ZFHX3: variants seen among roughly 807,000 people sequenced by gnomAD.
The protein encoded by ZFHX3 is zinc finger homeobox protein 3.
ZFHX3 carries 42 observed loss-of-function variants against 279.1 expected under a neutral mutation model. That is an observed-to-expected ratio of 0.15 (90% CI 0.12 to 0.19). ZFHX3 has a LOEUF of 0.19. Among genes scored for constraint, ZFHX3 ranks in the 10% least tolerant of loss-of-function variants. The pLI, the probability that ZFHX3 is intolerant of heterozygous loss-of-function variation, is 1.00. For missense variants in ZFHX3, 4,981 were observed against 4,754.0 expected (o/e 1.05, Z -1.40); for synonymous variants, 2,293 against 1,957.8 (o/e 1.17, Z -4.52).
chr16:73,696,602 G>T (rs1436027771), intron 1 of ZFHX3, among the ~76,000 whole-genome samples: 1 of 152,228 alleles, frequency 6.6e-6, no homozygotes, highest in Admixed American at 6.5e-5. Context: ...GGGCCTGAAA[G>T]TGGCATGTTG....
At chr16:73,825,809 G>A (rs1382890454) in intron 1 of ZFHX3, among the ~76,000 whole-genome samples, 2 of 73,628 alleles carry the variant, frequency 2.7e-5, no homozygotes, top group East Asian at 3.3e-4. Flanking sequence ...CTGTAGCCTT[G>A]TAGTATAGTT....
intron 2 of ZFHX3, among the ~76,000 whole-genome samples, chr16:73,589,259 CAAAAAAAAAAAAAA>C (rs34481194): frequency 1.9e-4 from 6 of 30,936 alleles, no homozygotes; most frequent in South Asian, 2.6e-3. Flanking sequence ...GATTCTGTCT[CAAAAAAAAAAAAAA>C]AAAAAAAAAA....
Position 72,932,653 on chromosome 16 carries a change from CAAA to C in ZFHX3, c.3216+17813_3216+17815del, listed in dbSNP as rs3079316. 1.5e-3 allele frequency among the ~76,000 whole-genome samples: 150 copies of C among 103,210 alleles called. No individual in the cohort carries two copies. The Middle Eastern group carries it at 0.038, about 26-fold the overall frequency. 67.7% of individuals were successfully genotyped at this position (103,210 alleles called of 152,430 possible). ...GAAATTCCATCTCCCTGCTCCGCACCAAAAAAAAAAAAAAAAAAAAAATCCACT... is the reference window on the plus strand; with the variant it reads ...GAAATTCCATCTCCCTGCTCCGCACCAAAAAAAAAAAAAAAAAAATCCACT... On this transcript the variant is annotated intron_variant, in intron 3 of 9. Coordinates refer to ENST00000268489, the MANE Select transcript of ZFHX3 (RefSeq NM_006885.4).
chr16:73,723,514 A>G (rs77058809), intron 1 of ZFHX3, among the ~76,000 whole-genome samples: 2,272 of 152,344 alleles, frequency 0.015, 62 homozygotes, highest in African/African-American at 0.052. Context: ...AACACAGATT[A>G]TGAAATGGCA....
chr16:73,850,557 G>A (rs560871194), intron 1 of ZFHX3, among the ~76,000 whole-genome samples: 1 of 152,326 alleles, frequency 6.6e-6, no homozygotes, highest in East Asian at 1.9e-4. Flanking sequence ...AGAGAAAGGA[G>A]TAAGTTAGAA....
chr16:73,086,376 G>C (rs1966012126), intron 8 of ZFHX3, among the ~76,000 whole-genome samples: 1 of 152,082 alleles, frequency 6.6e-6, no homozygotes, highest in African/African-American at 2.4e-5. Context: ...CGCAAAGAAA[G>C]GAAATCAGTA....
At chr16:73,016,480 A>G (rs1297402086) in intron 1 of ZFHX3, among the ~76,000 whole-genome samples, 1 of 152,128 alleles carries the variant, frequency 6.6e-6, no homozygotes, top group African/African-American at 2.4e-5. Flanking sequence ...GAAAGTCCCA[A>G]GAAGGGTAAT....
At chr16:72,978,796 T>C (rs2144533746) in intron 1 of ZFHX3, among the ~76,000 whole-genome samples, 1 of 152,324 alleles carries the variant, frequency 6.6e-6, no homozygotes, top group Middle Eastern at 3.4e-3. Flanking sequence ...GGGAGGCCAC[T>C]ATACAACAGT....
chr16:73,011,040 G>A (rs1248717293), intron 1 of ZFHX3, among the ~76,000 whole-genome samples: 1 of 152,130 alleles, frequency 6.6e-6, no homozygotes, highest in Non-Finnish European at 1.5e-5. Flanking sequence ...GGAGTACAGT[G>A]GCGTGATCTT....
Position 73,665,358 on chromosome 16 carries a change from C to T in ZFHX3, c.-1547+14822G>A, listed in dbSNP as rs879702522. The stretch of plus-strand genomic sequence containing the variant: ...CCTCCCGAGTAGCTGGGATTACAGG[C>T]TCCAGCCACCATGCCCAGCTAATTT... On this transcript the variant is annotated intron_variant, in intron 2 of 17. Transcript: ENST00000641206. Among the ~76,000 whole-genome samples the T allele has an allele frequency of 5.9e-3, 898 of 151,802 alleles. 13 individuals are homozygous for T. Among genetic ancestry groups the T allele is most frequent in the African/African-American group, 0.02 (838 of 41,162 alleles).
chr16:73,702,289 C>CAAA (rs907468798), intron 1 of ZFHX3, among the ~76,000 whole-genome samples: 6 of 152,146 alleles, frequency 3.9e-5, no homozygotes, highest in Admixed American at 3.9e-4. Flanking sequence ...AAGGACACAG[C>CAAA]AAAGAGAAGG....
intron 2 of ZFHX3, among the ~76,000 whole-genome samples, chr16:73,552,889 G>C (rs557141165): frequency 3.3e-5 from 5 of 152,136 alleles, no homozygotes; most frequent in Non-Finnish European, 4.4e-5. Context: ...ACCTCTGAAG[G>C]CAGCTAATTC....
At chr16:73,110,092 T>C (rs1006898921) in intron 7 of ZFHX3, among the ~76,000 whole-genome samples, 3 of 151,152 alleles carry the variant, frequency 2.0e-5, no homozygotes, top group African/African-American at 4.9e-5. Context: ...TACAAAAAGC[T>C]ACTCAGGAGG....
chr16:73,768,247 G>A (rs111702149), intron 1 of ZFHX3, among the ~76,000 whole-genome samples: 8 of 152,032 alleles, frequency 5.3e-5, no homozygotes, highest in African/African-American at 1.7e-4. Flanking sequence ...AAATCCAGCT[G>A]GAAACCAGAA....
intron 3 of ZFHX3, among the ~76,000 whole-genome samples, chr16:72,903,081 G>A: frequency 7.0e-6 from 1 of 141,934 alleles, no homozygotes; most frequent in Non-Finnish European, 1.6e-5. Flanking sequence ...GGCTCTATGG[G>A]GAACCCATGA....
At chr16:73,362,982 A>T (rs185820697) in intron 3 of ZFHX3, among the ~76,000 whole-genome samples, 1 of 152,366 alleles carries the variant, frequency 6.6e-6, no homozygotes, top group Admixed American at 6.5e-5. Context: ...TGATCACAAT[A>T]CTTTGTAACT....
intron 3 of ZFHX3, among the ~76,000 whole-genome samples, chr16:72,931,534 G>C (rs915009665): frequency 6.9e-6 from 1 of 145,008 alleles, no homozygotes; most frequent in African/African-American, 2.6e-5. Flanking sequence ...AACTTCCAAC[G>C]TACCGACAGG....
At chr16:73,635,264 G>C (rs371783200) in intron 2 of ZFHX3, among the ~76,000 whole-genome samples, 58 of 152,268 alleles carry the variant, frequency 3.8e-4, no homozygotes, top group African/African-American at 1.4e-3. Flanking sequence ...GGTGGGAATA[G>C]GCACACGTTG....
chr16:73,565,232 C>T (rs147197236), intron 2 of ZFHX3, among the ~76,000 whole-genome samples: 93 of 150,396 alleles, frequency 6.2e-4, no homozygotes, highest in Middle Eastern at 3.4e-3. Flanking sequence ...CTGGCCTGAG[C>T]AACAGAGCCA....
Sources: gnomAD v4.1 joint callset for allele counts (sites outside exome capture counted in the v4.1 genomes callset) on GRCh38, gnomAD v4.1.1 for gene constraint, MANE v1.5 for transcripts, NCBI Gene and HGNC (gene_info 2026-07-23, HGNC 2026-07-21) for gene names.